Variants in GLI2 observed in about 807,000 individuals in gnomAD.
GLI2 encodes the protein transcription activator GLI2.
In GLI2, 22 loss-of-function variants were observed where a neutral mutation model predicts 78.9. The ratio of observed to expected loss-of-function variants is 0.28; its 90% confidence interval spans 0.20 to 0.40. The LOEUF (loss-of-function observed/expected upper bound fraction) is 0.40, where lower values mean the gene tolerates loss of function less well. Among genes scored for constraint, GLI2 ranks in the 10% least tolerant of loss-of-function variants. GLI2 has a pLI of 1.00. For missense variants in GLI2, 2,097 were observed against 2,213.2 expected, an observed-to-expected ratio of 0.95 and a Z score of 1.05; for synonymous variants, 974 against 963.7, an observed-to-expected ratio of 1.01 and a Z score of -0.20.
intron 1 of GLI2, among the ~76,000 whole-genome samples, chr2:120,740,656 T>G (rs1486324901): frequency 1.3e-5 from 2 of 152,256 alleles, no homozygotes; most frequent in Non-Finnish European, 2.9e-5. Flanking sequence ...GATATCACTT[T>G]TATCTCGCTT....
intron 1 of GLI2, among the ~76,000 whole-genome samples, chr2:120,793,145 A>G (rs992192626): frequency 1.3e-5 from 2 of 152,220 alleles, no homozygotes; most frequent in Non-Finnish European, 2.9e-5. Context: ...CCCAGAGGGC[A>G]GGTGACCTGG....
chr2:120,807,703 C>T (rs919506312), intron 2 of GLI2, among the ~76,000 whole-genome samples: 2 of 152,144 alleles, frequency 1.3e-5, no homozygotes, highest in African/African-American at 4.8e-5. Flanking sequence ...AAAGGGCTCC[C>T]TTCCCTCCCC....
At chr2:120,889,853 CAT>C (rs972364511) in intron 2 of GLI2, among the ~76,000 whole-genome samples, 3 of 152,178 alleles carry the variant, frequency 2.0e-5, no homozygotes, top group African/African-American at 7.2e-5. Context: ...AGCACTCACA[CAT>C]AGCTGGTGGG....
At chr2:120,810,966 C>T (rs1260260438) in intron 2 of GLI2, among the ~76,000 whole-genome samples, 1 of 152,222 alleles carries the variant, frequency 6.6e-6, no homozygotes, top group Non-Finnish European at 1.5e-5. Flanking sequence ...GTGTCTCATT[C>T]CGGGTGATTC....
At chr2:120,959,087 T>C (rs1049989230) in intron 5 of GLI2, among the ~76,000 whole-genome samples, 2 of 152,218 alleles carry the variant, frequency 1.3e-5, no homozygotes, top group African/African-American at 4.8e-5. Flanking sequence ...CAACTTTGCC[T>C]TCCGGGCACT....
In GLI2 at chr2:120,989,161, G is replaced by A; in HGVS notation, c.3196G>A (p.Gly1066Arg). 2.5e-6 allele frequency: 4 copies of A among 1,613,174 alleles called. No individual in the cohort carries two copies. The highest frequency in any genetic ancestry group is 2.7e-5 in the African/African-American group (2 of 75,066). The stretch of plus-strand genomic sequence containing the variant: ...CAGTGGCGCTCTGGACGAGGGCACC[G>A]GGCAGGTGTATCCCACGGAAAGCAC... ...HASGALDEGT[G>R]QVYPTESTGF... The change falls in exon 14 of 14, where the codon GGG (glycine) becomes AGG (arginine). Residue 1066 changes from glycine (G) to arginine (R), a missense_variant. Gly to Arg is a moderately radical substitution (Grantham distance 125). Coordinates refer to ENST00000361492, the MANE Select transcript of GLI2 (RefSeq NM_001374353.1).
intron 5 of GLI2, among the ~76,000 whole-genome samples, chr2:120,962,167 A>C (rs1371153292): frequency 6.6e-6 from 1 of 152,194 alleles, no homozygotes; most frequent in East Asian, 1.9e-4. Flanking sequence ...AAAGCTACCC[A>C]GTTCAGAGTG....
At position 120,807,008 on chromosome 2, in the gene GLI2, C is replaced by T. The variant is rs114122225; in HGVS notation, c.148+9540C>T. ...AAACATTAGGGAAGGAGTGTGGTCT[C>T]AGTAGGACCTGGTAACACTGCTGTG... On this transcript the variant is annotated intron_variant, in intron 2 of 13. Coordinates refer to ENST00000361492, the MANE Select transcript of GLI2 (RefSeq NM_001374353.1). Among the ~76,000 whole-genome samples the T allele has an allele frequency of 5.2e-3, 785 of 152,264 alleles. 9 individuals carry two copies. Among genetic ancestry groups the T allele is most frequent in the African/African-American group, 0.018 (739 of 41,544 alleles).
At chr2:120,745,695 C>T (rs995496996) in intron 1 of GLI2, among the ~76,000 whole-genome samples, 1 of 152,192 alleles carries the variant, frequency 6.6e-6, no homozygotes, top group African/African-American at 2.4e-5. Flanking sequence ...GCTAATGTTA[C>T]AAGTGCACCT....
chr2:120,739,910 G>T (rs539331194), intron 1 of GLI2, among the ~76,000 whole-genome samples: 8 of 152,306 alleles, frequency 5.3e-5, no homozygotes, highest in Non-Finnish European at 8.8e-5. Flanking sequence ...AGGAAAAACT[G>T]CTCTCTAATT....
Position 120,970,404 on chromosome 2 carries a change from C to G in GLI2, c.857C>G (p.Thr286Ser). 2 of 1,609,972 alleles carry G rather than the reference C, an allele frequency of 1.2e-6. No homozygotes were observed. Among genetic ancestry groups the G allele is most frequent in the Non-Finnish European group, 1.7e-6 (2 of 1,176,332 alleles). Residue 286 changes from threonine (T) to serine (S), a missense_variant, in exon 7 of 14, where the codon ACC becomes AGC. Coordinates refer to ENST00000361492, the MANE Select transcript of GLI2 (RefSeq NM_001374353.1). ...GCTCTCTGTTGCAGCCCAGCCTTCA[C>G]CTTCCCCCACCCCATCAACCCCGTG... ...LSAGALSPAF[T>S]FPHPINPVAY...
At chr2:120,945,199 C>A (rs1352892778) in intron 3 of GLI2, among the ~76,000 whole-genome samples, 1 of 152,246 alleles carries the variant, frequency 6.6e-6, no homozygotes, top group Non-Finnish European at 1.5e-5. Flanking sequence ...GAAGCATAGG[C>A]GTCCTCCACT....
intron 3 of GLI2, among the ~76,000 whole-genome samples, chr2:120,938,642 C>T (rs1475593570): frequency 1.3e-5 from 2 of 152,178 alleles, no homozygotes; most frequent in African/African-American, 2.4e-5. Context: ...GTGTGGTGTC[C>T]GGGTCTTTGA....
At chr2:120,876,320 C>T (rs1039523850) in intron 2 of GLI2, among the ~76,000 whole-genome samples, 7 of 152,072 alleles carry the variant, frequency 4.6e-5, no homozygotes, top group South Asian at 2.1e-4. Flanking sequence ...CCAGCCTGGG[C>T]GACAGAGCGA....
chr2:120,984,634 G>T lies in GLI2; in HGVS notation c.1796G>T (p.Ser599Ile), dbSNP rs1250165393. 6.2e-7 allele frequency: 1 copy of T among 1,614,084 alleles called. No homozygotes were observed. Among genetic ancestry groups the T allele is most frequent in the Non-Finnish European group, 8.5e-7 (1 of 1,180,048 alleles). ...RTPLLKENGD[S>I]EAGTEPGGPE... ...CCGCTGCTCAAAGAGAATGGGGACAGTGAGGCCGGCACGGAGCCTGGCGGC... is the reference window on the plus strand; with the variant it reads ...CCGCTGCTCAAAGAGAATGGGGACATTGAGGCCGGCACGGAGCCTGGCGGC... The change falls in exon 12 of 14, where the codon AGT becomes ATT. Residue 599 changes from serine (S) to isoleucine (I), a missense_variant. Ser to Ile is a moderately radical substitution (Grantham distance 142). This residue lies in a region of GLI2 where 57 missense variants were observed against 44.5 expected (regional missense o/e 1.28). Transcript: ENST00000361492.
rs982986699 is a variant in GLI2, at chr2:120,991,090, G to A, written c.*415G>A. On this transcript the variant is annotated 3_prime_UTR_variant, in exon 14 of 14. Transcript: ENST00000361492. ...ATCTGAATGCTATACTGGATACTCT[G>A]CTCCGGAAAGATGAGCTTTTTATTC... 1 of 171,156 alleles carries A rather than the reference G, an allele frequency of 5.8e-6. No individual in the cohort carries two copies. Among genetic ancestry groups the A allele is most frequent in the Non-Finnish European group, 1.3e-5 (1 of 79,452 alleles). 10.6% of individuals were successfully genotyped at this position (171,156 alleles called of 1,614,324 possible).
chr2:120,976,644 A>G (rs1682469337), intron 9 of GLI2, among the ~76,000 whole-genome samples: 1 of 152,236 alleles, frequency 6.6e-6, no homozygotes, highest in Admixed American at 6.5e-5. Flanking sequence ...GTGCTCTGTG[A>G]TAAGTGGGTC....
At chr2:120,889,597 A>T (rs1056450306) in intron 2 of GLI2, among the ~76,000 whole-genome samples, 1 of 152,230 alleles carries the variant, frequency 6.6e-6, no homozygotes, top group Non-Finnish European at 1.5e-5. Context: ...CTGACAAGGG[A>T]CTAGTACATA....
chr2:120,892,269 T>C (rs1420034231), intron 2 of GLI2, among the ~76,000 whole-genome samples: 1 of 152,144 alleles, frequency 6.6e-6, no homozygotes. Context: ...TTTCTGCAGG[T>C]GGTGGGCCTG....
Sources: allele counts gnomAD v4.1 joint callset (sites outside exome capture counted in the v4.1 genomes callset), GRCh38; gene constraint gnomAD v4.1.1; regional missense constraint gnomAD v4.1.1; transcripts MANE v1.5; gene names NCBI Gene and HGNC (gene_info 2026-07-23, HGNC 2026-07-21).